Variants in RIN2 observed in about 807,000 individuals in gnomAD.
RIN2 encodes Ras and Rab interactor 2.
A neutral mutation model predicts 78.0 loss-of-function variants in RIN2; 36 were observed. The observed-to-expected ratio is 0.46, with a 90% CI of 0.35 to 0.61. The LOEUF (loss-of-function observed/expected upper bound fraction) is 0.61. Among genes scored for constraint, RIN2 ranks in the 20% least tolerant of loss-of-function variants. The pLI, the probability that RIN2 is intolerant of heterozygous loss-of-function variation, is 0.00. For synonymous variants in RIN2, 466 were observed against 466.8 expected (o/e 1.00, Z 0.02); for missense variants, 1,087 against 1,159.7 (o/e 0.94, Z 0.91).
chr20:19,820,748 C>T (rs1380701323), intron 2 of RIN2, among the ~76,000 whole-genome samples: 1 of 152,142 alleles, frequency 6.6e-6, no homozygotes, highest in East Asian at 1.9e-4. Context: ...CTGGTGAAAA[C>T]TCCCTCAGGG....
At chr20:19,880,059 G>A (rs1003213679) in intron 2 of RIN2, among the ~76,000 whole-genome samples, 34 of 152,110 alleles carry the variant, frequency 2.2e-4, no homozygotes, top group African/African-American at 8.2e-4. Flanking sequence ...GACCAGCCTG[G>A]CCAACATGGT....
chr20:19,888,357 T>C (rs985066305), intron 2 of RIN2, among the ~76,000 whole-genome samples: 1 of 152,222 alleles, frequency 6.6e-6, no homozygotes, highest in African/African-American at 2.4e-5. Context: ...GCTCACTCAC[T>C]GATATGCACT....
intron 2 of RIN2, among the ~76,000 whole-genome samples, chr20:19,830,404 G>T (rs774544409): frequency 6.6e-6 from 1 of 152,080 alleles, no homozygotes; most frequent in Non-Finnish European, 1.5e-5. Context: ...GTGCAGTTTG[G>T]TGAAGACCCC....
At chr20:19,818,992 G>T (rs1444125051) in intron 2 of RIN2, among the ~76,000 whole-genome samples, 1 of 152,236 alleles carries the variant, frequency 6.6e-6, no homozygotes, top group Non-Finnish European at 1.5e-5. Flanking sequence ...TCTCAGGACA[G>T]TATGTGCAAT....
At chr20:19,933,174 G>A (rs767640171) in intron 3 of RIN2, among the ~76,000 whole-genome samples, 22 of 152,116 alleles carry the variant, frequency 1.4e-4, no homozygotes, top group Admixed American at 2.6e-4. Flanking sequence ...CAAGGTGATC[G>A]GTTTAGACCA....
chr20:19,848,662 A>G (rs2036862121), intron 2 of RIN2, among the ~76,000 whole-genome samples: 1 of 73,342 alleles, frequency 1.4e-5, no homozygotes, highest in Non-Finnish European at 3.9e-5. Flanking sequence ...AGAATGAAAC[A>G]GTTTTTTTTT....
At chr20:19,762,277 T>G (rs2122294621) in intron 1 of RIN2, among the ~76,000 whole-genome samples, 1 of 152,250 alleles carries the variant, frequency 6.6e-6, no homozygotes, top group Admixed American at 6.5e-5. Flanking sequence ...ACCAGTAACC[T>G]CAGCTATTGA....
chr20:19,768,189 A>G (rs1020781722), intron 1 of RIN2, among the ~76,000 whole-genome samples: 1 of 152,186 alleles, frequency 6.6e-6, no homozygotes, highest in Non-Finnish European at 1.5e-5. Flanking sequence ...CTCCTTGTCT[A>G]TAACAGGAGA....
chr20:19,827,796 G>T (rs897283679), intron 2 of RIN2, among the ~76,000 whole-genome samples: 14 of 142,932 alleles, frequency 9.8e-5, no homozygotes, highest in East Asian at 2.1e-4. Context: ...TAGTAGGTTT[G>T]CTTTTCTTTT....
chr20:20,000,839 C>A lies in RIN2; in HGVS notation c.2591C>A (p.Pro864Gln). Residue 864 changes from proline (P) to glutamine (Q), a missense_variant, in exon 13 of 13, where the codon CCA (proline) becomes CAA (glutamine). Pro to Gln is a moderately conservative substitution (Grantham distance 76). Coordinates refer to ENST00000255006, the MANE Select transcript of RIN2 (RefSeq NM_018993.4). Reference sequence around the variant, plus strand: ...ATCAAGGCGGAGCTGCACAGCCGACCACAGCCCCACATCTTCCACTTTGTC... The same window carrying A: ...ATCAAGGCGGAGCTGCACAGCCGACAACAGCCCCACATCTTCCACTTTGTC... The part of the protein sequence containing the change: ...QKIKAELHSR[P>Q]QPHIFHFVYK... 6.2e-7 allele frequency: 1 copy of A among 1,613,994 alleles called. No individual in the cohort carries two copies. Among genetic ancestry groups the A allele is most frequent in the Non-Finnish European group, 8.5e-7 (1 of 1,179,886 alleles).
chr20:19,889,637 CA>C lies in RIN2; in HGVS notation c.38del (p.Lys13SerfsTer19). ...GGACCATGGGCGCCCGCGGTCTGGA[CA>C]AGCGAGGAAGTTTCTTTAAGGTAAA... ...AWTMGARGLD[K>X]RGSFFKLIDT... On this transcript the variant is annotated frameshift_variant, in exon 3 of 13. Transcript: ENST00000255006. LOFTEE classifies it high-confidence loss of function. 1 of 1,533,464 alleles carries C rather than the reference CA, an allele frequency of 6.5e-7. No homozygotes were observed. Among genetic ancestry groups the C allele is most frequent in the African/African-American group, 1.4e-5 (1 of 72,338 alleles). The allele number at this position is 1,533,464 out of a possible 1,614,324, so 95.0% of individuals were successfully genotyped here.
intron 1 of RIN2, among the ~76,000 whole-genome samples, chr20:19,784,709 C>A (rs1419955080): frequency 6.6e-6 from 1 of 152,068 alleles, no homozygotes; most frequent in Non-Finnish European, 1.5e-5. Flanking sequence ...CGGAGCCCGC[C>A]CCTGTCTAGA....
chr20:19,969,788 C>A (rs568393806), intron 7 of RIN2, among the ~76,000 whole-genome samples: 23 of 151,996 alleles, frequency 1.5e-4, no homozygotes, highest in Non-Finnish European at 2.6e-4. Context: ...ACAAACAAAC[C>A]CTCCTTTTTG....
intron 1 of RIN2, among the ~76,000 whole-genome samples, chr20:19,787,012 A>T (rs1479787393): frequency 6.6e-6 from 1 of 152,220 alleles, no homozygotes; most frequent in Non-Finnish European, 1.5e-5. Flanking sequence ...CTAAAAGGAC[A>T]TAGGGACTAA....
chr20:19,867,174 C>T (rs1034855695), intron 2 of RIN2, among the ~76,000 whole-genome samples: 9 of 152,140 alleles, frequency 5.9e-5, no homozygotes, highest in Admixed American at 4.6e-4. Context: ...ACCTCTCACT[C>T]CACACACAAC....
chr20:19,925,202 GA>G (rs1276787020), intron 3 of RIN2, among the ~76,000 whole-genome samples: 1 of 152,128 alleles, frequency 6.6e-6, no homozygotes, highest in Non-Finnish European at 1.5e-5. Context: ...CAGGCTGGGG[GA>G]ACCCAGCTCT....
At chr20:19,841,642 G>A (rs998053295) in intron 2 of RIN2, among the ~76,000 whole-genome samples, 3 of 152,134 alleles carry the variant, frequency 2.0e-5, no homozygotes, top group African/African-American at 7.2e-5. Flanking sequence ...TCAGGGAAGG[G>A]AACTGGGACC....
intron 4 of RIN2, among the ~76,000 whole-genome samples, chr20:19,951,377 C>T (rs973731031): frequency 1.3e-5 from 2 of 152,098 alleles, no homozygotes; most frequent in East Asian, 1.9e-4. Flanking sequence ...TTGTTTTCTC[C>T]TGTATACATT....
At chr20:19,912,722 A>C (rs767370455) in intron 3 of RIN2, among the ~76,000 whole-genome samples, 8 of 151,494 alleles carry the variant, frequency 5.3e-5, no homozygotes, top group Non-Finnish European at 7.4e-5. Flanking sequence ...CAAGTGATCC[A>C]CTCGCCTCAG....
Sources: allele counts gnomAD v4.1 joint callset (sites outside exome capture counted in the v4.1 genomes callset), GRCh38; gene constraint gnomAD v4.1.1; transcripts MANE v1.5; gene names NCBI Gene and HGNC (gene_info 2026-07-23, HGNC 2026-07-21).